Variants in PCNX3 observed in about 807,000 individuals in gnomAD.
PCNX3 encodes pecanex 3.
In PCNX3, 58 loss-of-function variants were observed where a neutral mutation model predicts 207.2. The observed-to-expected ratio is 0.28, with a 90% CI of 0.23 to 0.35. PCNX3 has a LOEUF of 0.35. Among genes scored for constraint, PCNX3 ranks in the 10% least tolerant of loss-of-function variants. PCNX3 has a pLI of 1.00. For synonymous variants in PCNX3, 1,337 were observed against 1,183.5 expected (o/e 1.13, Z -2.66); for missense variants, 2,410 against 2,774.4 (o/e 0.87, Z 2.95).
At chr11:65,623,794 A>T in intron 12 of PCNX3, 135 bp from the exon 13 acceptor site, 5 of 1,518,836 alleles carry the variant, frequency 3.3e-6, no homozygotes, top group Non-Finnish European at 4.5e-6. Context: ...AAGCAAGAAA[A>T]CTGAGGCTCA....
Position 65,627,478 on chromosome 11 carries a change from T to C in PCNX3, c.3598T>C (p.Tyr1200His). 6.2e-7 allele frequency: 1 copy of C among 1,613,776 alleles called. No individual in the cohort carries two copies. Residue 1200 changes from tyrosine to histidine, a missense_variant, in exon 22 of 35, where the codon TAC becomes CAC. Tyr to His is a moderately conservative substitution (Grantham distance 83). This residue lies in a region of PCNX3 where 333 missense variants were observed against 386.8 expected (regional missense o/e 0.86). Transcript: ENST00000355703. ...AGCCTTCTGCTGCCCCCCACAGCAG[T>C]ACCTGACGTTGGCCTTCACCGTCCT... Reference protein sequence around the residue: ...RSAFCCPPQQYLTLAFTVLLF... With the variant: ...RSAFCCPPQQHLTLAFTVLLF...
At chr11:65,629,827 C>T (rs1855548691) in intron 26 of PCNX3, 92 bp downstream of exon 26, 1 of 1,368,980 alleles carries the variant, frequency 7.3e-7, no homozygotes, top group South Asian at 1.3e-5. Context: ...AGGTCCAGTC[C>T]AGCTCTGTCC....
In PCNX3 at chr11:65,632,926, G is replaced by A. The variant is rs1855673974; in HGVS notation, c.4471-1200G>A. ...TGCCTGGCTAATTTTTGTATTTTTT[G>A]TAGAGATGGGGTTTCGCCATGTTGT... On this transcript the variant is annotated intron_variant, in intron 27 of 34. Transcript: ENST00000355703. 2.0e-5 allele frequency among the ~76,000 whole-genome samples: 3 copies of A among 151,788 alleles called. No homozygotes were observed. The South Asian group carries it at 6.3e-4, about 32-fold the overall frequency.
intron 26 of PCNX3, 150 bp downstream of exon 26, chr11:65,629,885 C>T (rs1855551283): frequency 8.1e-6 from 7 of 867,756 alleles, no homozygotes; most frequent in African/African-American, 3.3e-5. Flanking sequence ...CCTGGGCCTG[C>T]GTTTCCCAGT....
At position 65,624,980 on chromosome 11, in the gene PCNX3, T is replaced by C; in HGVS notation, c.2883T>C (p.Ala961=). 6.2e-7 allele frequency: 1 copy of C among 1,612,718 alleles called. No individual in the cohort carries two copies. Among genetic ancestry groups the C allele is most frequent in the Non-Finnish European group, 8.5e-7 (1 of 1,179,628 alleles). ...GCCTCTCCCGCAGCCTGCTGGCTGC[T>C]GCCCTGCTCTACGGTTTCTGCCTTG... is the stretch of plus-strand genomic sequence containing the variant. ...VFSLSRSLLA[A]ALLYGFCLGA... is the part of the protein sequence containing the mutation. Residue 961 remains alanine (A), a synonymous_variant, in exon 16 of 35, where the codon GCT becomes GCC. Transcript: ENST00000355703.
Position 65,617,528 on chromosome 11 carries a change from G to A in PCNX3, c.481+19G>A, listed in dbSNP as rs954830081. On this transcript the variant is annotated intron_variant, in intron 4 of 34. Transcript: ENST00000355703. Reference sequence around the variant, plus strand: ...CTTAGAGGTAGGTGGCTGCTCTTCAGGGTTGGAGCATAGTGCTGTGGAACA... The same window carrying A: ...CTTAGAGGTAGGTGGCTGCTCTTCAAGGTTGGAGCATAGTGCTGTGGAACA... 61 of 1,613,866 alleles carry A rather than the reference G, an allele frequency of 3.8e-5. No individual in the cohort carries two copies. The highest frequency in any genetic ancestry group is 5.0e-5 in the Non-Finnish European group (59 of 1,179,896).
rs763186325 is a variant in PCNX3, at chr11:65,622,018, G to A, written c.2236-227G>A. Among the ~76,000 whole-genome samples, 9 of 152,186 alleles carry A rather than the reference G, an allele frequency of 5.9e-5. No homozygotes were observed. The South Asian group carries it at 1.4e-3, about 24-fold the overall frequency. On this transcript the variant is annotated intron_variant, in intron 10 of 34. Transcript: ENST00000355703. ...TAGGCAGCCCCTGCAGCCACTGGGC[G>A]ACGTCCTGGGAACCTGGAGAGAGGA...
Position 65,618,225 on chromosome 11 carries a change from G to A in PCNX3, c.863G>A (p.Gly288Glu). The change falls in exon 6 of 35, where the codon GGG becomes GAG. Residue 288 changes from glycine to glutamate, a missense_variant. Around this residue, in one of 8 missense-constraint regions of PCNX3, gnomAD observed 1,104 missense variants for 970.3 expected, o/e 1.14. Transcript: ENST00000355703. ...GYQPLDRRGS[G>E]EPTPQKAGSS... is the part of the protein sequence containing the mutation. ...CAGCCCCTTGACCGGCGGGGCTCAG[G>A]GGAGCCCACGCCCCAGAAAGCCGGC... The A allele has an allele frequency of 6.2e-7, 1 of 1,606,388 alleles. No individual in the cohort carries two copies. The highest frequency in any genetic ancestry group is 8.5e-7 in the Non-Finnish European group (1 of 1,176,286).
intron 20 of PCNX3, chr11:65,626,503 C>T (rs948825815): frequency 1.5e-4 from 59 of 397,314 alleles, no homozygotes; most frequent in Middle Eastern, 8.0e-4. Context: ...TTTTCTTAAA[C>T]GACAGAAGAT....
In PCNX3 at chr11:65,636,592, C is replaced by A. The variant is rs762411684; in HGVS notation, c.5795C>A (p.Pro1932His). Residue 1932 changes from proline to histidine, a missense_variant, in exon 34 of 35, where the codon CCC (proline) becomes CAC (histidine). Pro to His is a moderately conservative substitution (Grantham distance 77). Around this residue, in one of 8 missense-constraint regions of PCNX3, gnomAD observed 278 missense variants for 245.1 expected, o/e 1.13. Coordinates refer to ENST00000355703, the MANE Select transcript of PCNX3 (RefSeq NM_032223.4). ...PGPGLLSSEG[P>H]SGKWSLGGRK... ...CCGGGTCTCCTCAGTTCTGAGGGCCCCAGTGGAAAGTGGAGCCTGGGGGGC... is the reference window on the plus strand; with the variant it reads ...CCGGGTCTCCTCAGTTCTGAGGGCCACAGTGGAAAGTGGAGCCTGGGGGGC... 6.3e-7 allele frequency: 1 copy of A among 1,591,678 alleles called. No individual in the cohort carries two copies. The highest frequency in any genetic ancestry group is 8.5e-7 in the Non-Finnish European group (1 of 1,171,090).
chr11:65,636,751 T>TC lies in PCNX3; in HGVS notation c.5893-9dup, dbSNP rs1855863962. ...TAAGGCCTGCTCACCCGCCAACCTC[T>TC]CCCCCCTCCCCCAGGCGCCTCTAGA... On this transcript the variant is annotated splice_polypyrimidine_tract_variant and intron_variant, in intron 34 of 34. Transcript: ENST00000355703. 3 of 1,540,484 alleles carry TC rather than the reference T, an allele frequency of 1.9e-6. No individual in the cohort carries two copies. The highest frequency in any genetic ancestry group is 1.2e-5 in the South Asian group (1 of 83,778).
In PCNX3 at chr11:65,625,819, C is replaced by G; in HGVS notation, c.3228+75C>G. ...TGCTCAATCTGAGTGCCGTGGGCAG[C>G]CCCTCCCCGGCCTGTGCCAGGTGGC... is the stretch of plus-strand genomic sequence containing the variant. On this transcript the variant is annotated intron_variant, in intron 19 of 34. Transcript: ENST00000355703. This position sits in a 1 kb window ranked among gnomAD's most constrained non-coding sequence, Gnocchi z 5.6. 5 of 1,595,032 alleles carry G rather than the reference C, an allele frequency of 3.1e-6. No individual in the cohort carries two copies. The South Asian group carries it at 5.6e-5, about 18-fold the overall frequency.
Position 65,620,351 on chromosome 11 carries a change from C to T in PCNX3, c.2021C>T (p.Ser674Phe), listed in dbSNP as rs1468708802. The T allele has an allele frequency of 6.2e-7, 1 of 1,613,356 alleles. No homozygotes were observed. The highest frequency in any genetic ancestry group is 8.5e-7 in the Non-Finnish European group (1 of 1,179,746). ...TACCCTGCCCCAGGTGTGCGGCGTT[C>T]CTACACCTTTGGCCTGGCTGGAGGC... is the stretch of plus-strand genomic sequence containing the variant. The part of the protein sequence containing the change: ...YFYDESGVRR[S>F]YTFGLAGGGY... Residue 674 changes from serine to phenylalanine, a missense_variant, in exon 9 of 35, where the codon TCC (serine) becomes TTC (phenylalanine). Around this residue, in one of 8 missense-constraint regions of PCNX3, gnomAD observed 1,104 missense variants for 970.3 expected, o/e 1.14. Coordinates refer to ENST00000355703, the MANE Select transcript of PCNX3 (RefSeq NM_032223.4).
chr11:65,634,228 G>A lies in PCNX3; in HGVS notation c.4573G>A (p.Asp1525Asn). 1 of 1,613,314 alleles carries A rather than the reference G, an allele frequency of 6.2e-7. No individual in the cohort carries two copies. The highest frequency in any genetic ancestry group is 8.5e-7 in the Non-Finnish European group (1 of 1,179,782). Reference sequence around the variant, plus strand: ...GCCTGTGCGGGTGCCCGGCTATGCCGACTCGGATCCCACCTTCTCGCTGAG... The same window carrying A: ...GCCTGTGCGGGTGCCCGGCTATGCCAACTCGGATCCCACCTTCTCGCTGAG... ...LRPVRVPGYA[D>N]SDPTFSLSVD... The change falls in exon 28 of 35, where the codon GAC becomes AAC. Residue 1525 changes from aspartate to asparagine, a missense_variant. Transcript: ENST00000355703.
intron 1 of PCNX3, among the ~76,000 whole-genome samples, 160 bp from the exon 2 acceptor site, chr11:65,616,664 C>T (rs142517334): frequency 3.9e-5 from 6 of 152,322 alleles, no homozygotes; most frequent in East Asian, 1.9e-4. Flanking sequence ...TCCAGCTAAG[C>T]AGAATACAGA....
Position 65,623,551 on chromosome 11 carries a change from G to A in PCNX3, c.2418G>A (p.Leu806=). 1.2e-6 allele frequency: 2 copies of A among 1,613,914 alleles called. No homozygotes were observed. Among genetic ancestry groups the A allele is most frequent in the Non-Finnish European group, 8.5e-7 (1 of 1,179,850 alleles). ...GVGLSSLVAF[L]GYLLLLKGFF... ...GCCTGAGCAGCCTTGTGGCCTTCCT[G>A]GGCTACCTGCTGCTGCTCAAGGGCT... Residue 806 remains leucine (L), a synonymous_variant, in exon 12 of 35, where the codon CTG becomes CTA. Transcript: ENST00000355703.
At chr11:65,632,011 A>G (rs1000914446) in intron 27 of PCNX3, among the ~76,000 whole-genome samples, 1 of 152,124 alleles carries the variant, frequency 6.6e-6, no homozygotes, top group African/African-American at 2.4e-5. Flanking sequence ...AGAGAGGGAC[A>G]TTCCCAGTCC....
chr11:65,618,457 C>T lies in PCNX3; in HGVS notation c.1095C>T (p.Val365=), dbSNP rs762395564. 3.7e-6 allele frequency: 6 copies of T among 1,610,134 alleles called. No individual in the cohort carries two copies. Among genetic ancestry groups the T allele is most frequent in the Non-Finnish European group, 5.1e-6 (6 of 1,178,796 alleles). Reference sequence around the variant, plus strand: ...ACACGCTGCGTTCCTTTGACACGGTCATTGGAGCAGGGACGCCACCGGGCC... The same window carrying T: ...ACACGCTGCGTTCCTTTGACACGGTTATTGGAGCAGGGACGCCACCGGGCC... ...SDDTLRSFDT[V]IGAGTPPGLA... is the part of the protein sequence containing the mutation. Residue 365 remains valine (V), a synonymous_variant, in exon 6 of 35, where the codon GTC becomes GTT. Coordinates refer to ENST00000355703, the MANE Select transcript of PCNX3 (RefSeq NM_032223.4).
chr11:65,622,307 C>G lies in PCNX3; in HGVS notation c.2298C>G (p.Leu766=). The G allele has an allele frequency of 6.3e-7, 1 of 1,597,712 alleles. No individual in the cohort carries two copies. Among genetic ancestry groups the G allele is most frequent in the South Asian group, 1.1e-5 (1 of 88,016 alleles). The change falls in exon 11 of 35, where the codon CTC becomes CTG. Residue 766 remains leucine (L), a synonymous_variant. Transcript: ENST00000355703. The part of the protein sequence containing the change: ...RAQHSYKYWL[L]PGRWTSVRYE... ...AGCATAGTTACAAGTACTGGCTTCT[C>G]CCTGGCCGCTGGACCTCTGTGCGCT... is the stretch of plus-strand genomic sequence containing the variant.
Sources: gnomAD v4.1 joint callset for allele counts (sites outside exome capture counted in the v4.1 genomes callset) on GRCh38, gnomAD v4.1.1 for gene constraint, gnomAD v4.1.1 regional missense constraint, Gnocchi (gnomAD v3.1) non-coding constraint, MANE v1.5 for transcripts, NCBI Gene and HGNC (gene_info 2026-07-23, HGNC 2026-07-21) for gene names.